PLS1: variants seen among roughly 807,000 people sequenced by gnomAD.
PLS1 encodes the protein plastin-1.
PLS1 carries 32 observed loss-of-function variants against 73.7 expected under a neutral mutation model. The observed-to-expected ratio is 0.43, with a 90% CI of 0.33 to 0.58. PLS1 has a LOEUF of 0.58. Ranked by LOEUF, PLS1 falls within the 20% of genes least tolerant of loss-of-function variation. PLS1 has a pLI of 0.04. For missense variants in PLS1, 633 were observed against 740.5 expected, an observed-to-expected ratio of 0.85 and a Z score of 1.68; for synonymous variants, 217 against 261.3, an observed-to-expected ratio of 0.83 and a Z score of 1.63.
chr3:142,651,872 T>C (rs990941859), intron 1 of PLS1, among the ~76,000 whole-genome samples: 1 of 152,234 alleles, frequency 6.6e-6, no homozygotes, highest in Non-Finnish European at 1.5e-5. Flanking sequence ...GCCTCATTTC[T>C]CTTGGCAACA....
Position 142,676,173 on chromosome 3 carries a change from T to G in PLS1, c.381T>G (p.Ala127=). The G allele has an allele frequency of 1.2e-6, 2 of 1,611,898 alleles. No individual in the cohort carries two copies. Among genetic ancestry groups the G allele is most frequent in the South Asian group, 2.2e-5 (2 of 90,314 alleles). ...QHSYSEEEKV[A]FVNWINKALE... is the part of the protein sequence containing the mutation. Reference sequence around the variant, plus strand: ...TCCTTTCAGAGGAAGAAAAAGTGGCTTTTGTTAACTGGATAAACAAAGCCC... The same window carrying G: ...TCCTTTCAGAGGAAGAAAAAGTGGCGTTTGTTAACTGGATAAACAAAGCCC... The change falls in exon 5 of 16, where the codon GCT becomes GCG. Residue 127 remains alanine, a synonymous_variant. Transcript: ENST00000457734.
In PLS1 at chr3:142,713,487, G is replaced by GT. The variant is rs1933228706; in HGVS notation, c.*1484dup. ...CTTTCCCTTTTATATTTTGATGATT[G>GT]TTTTCTTAAGATTAAGATATGTTCT... is the stretch of plus-strand genomic sequence containing the variant. On this transcript the variant is annotated 3_prime_UTR_variant, in exon 16 of 16. Transcript: ENST00000457734. The GT allele has an allele frequency of 6.6e-6, 1 of 152,168 alleles. No homozygotes were observed. Among genetic ancestry groups the GT allele is most frequent in the South Asian group, 2.1e-4 (1 of 4,816 alleles). The allele number at this position is 152,168 out of a possible 1,614,324, so 9.4% of individuals were successfully genotyped here. A position where few individuals can be genotyped will look rare whatever the true frequency, so the allele number is the denominator to read the frequency against.
At chr3:142,658,263 A>T (rs989182482) in intron 1 of PLS1, among the ~76,000 whole-genome samples, 3 of 152,110 alleles carry the variant, frequency 2.0e-5, no homozygotes, top group Non-Finnish European at 4.4e-5. Context: ...ACTTGAGGTC[A>T]GGAGTTAGAG....
chr3:142,629,328 G>A (rs2036502194), intron 1 of PLS1, among the ~76,000 whole-genome samples: 1 of 151,982 alleles, frequency 6.6e-6, no homozygotes, highest in Non-Finnish European at 1.5e-5. Flanking sequence ...TCCTAAGCCT[G>A]AGTAGCTGGG....
In PLS1 at chr3:142,704,590, A is replaced by T. The variant is rs755121063; in HGVS notation, c.1629+4A>T. 2 of 1,552,594 alleles carry T rather than the reference A, an allele frequency of 1.3e-6. No individual in the cohort carries two copies. The highest frequency in any genetic ancestry group is 1.7e-6 in the Non-Finnish European group (2 of 1,153,184). On this transcript the variant is annotated splice_donor_region_variant and intron_variant, in intron 14 of 15. Transcript: ENST00000457734. ...GACTTCTATTTCCAGCTTCAAGGTA[A>T]TCAAGAGTCCTAAAAAAAATTTTTT...
intron 10 of PLS1, among the ~76,000 whole-genome samples, chr3:142,692,364 C>A (rs1245345853): frequency 1.3e-5 from 2 of 151,890 alleles, no homozygotes; most frequent in Non-Finnish European, 2.9e-5. Flanking sequence ...TATATCAGAT[C>A]TAGGGGGAAA....
intron 1 of PLS1, among the ~76,000 whole-genome samples, chr3:142,606,736 A>G (rs1322708924): frequency 6.6e-6 from 1 of 152,158 alleles, no homozygotes; most frequent in Admixed American, 6.5e-5. Flanking sequence ...ACTTAGCACA[A>G]TGATGTCAAG....
chr3:142,625,137 C>T (rs2108569267), intron 1 of PLS1, among the ~76,000 whole-genome samples: 1 of 152,216 alleles, frequency 6.6e-6, no homozygotes, highest in South Asian at 2.1e-4. Context: ...TTGCTTGGAA[C>T]TCTGGAAATA....
intron 1 of PLS1, among the ~76,000 whole-genome samples, chr3:142,609,145 A>G (rs902857113): frequency 2.6e-5 from 4 of 152,254 alleles, no homozygotes; most frequent in African/African-American, 9.6e-5. Flanking sequence ...TAAACTGCCC[A>G]AGATGATTGA....
At chr3:142,705,522 CA>C (rs2038441947) in intron 14 of PLS1, among the ~76,000 whole-genome samples, 2 of 152,194 alleles carry the variant, frequency 1.3e-5, no homozygotes, top group Non-Finnish European at 2.9e-5. Context: ...ATGTTAGCTA[CA>C]AATAAGCATG....
intron 1 of PLS1, among the ~76,000 whole-genome samples, chr3:142,661,709 T>C (rs2107820286): frequency 6.6e-6 from 1 of 152,330 alleles, no homozygotes; most frequent in East Asian, 1.9e-4. Context: ...TCAATTCCTA[T>C]TGTTTTATAA....
chr3:142,690,563 ATTGTAG>A (rs781210118), intron 10 of PLS1, among the ~76,000 whole-genome samples: 1 of 152,200 alleles, frequency 6.6e-6, no homozygotes, highest in South Asian at 2.1e-4. Context: ...ATGATGGGAT[ATTGTAG>A]TTGTAAACAC....
intron 6 of PLS1, among the ~76,000 whole-genome samples, chr3:142,683,324 G>A (rs1045087426): frequency 1.3e-5 from 2 of 152,180 alleles, no homozygotes; most frequent in African/African-American, 2.4e-5. Context: ...CTAACATGGT[G>A]AAACGCCATC....
chr3:142,689,858 T>G (rs751866535), intron 10 of PLS1, 45 bp downstream of exon 10: 1 of 1,241,974 alleles, frequency 8.1e-7, no homozygotes, highest in Admixed American at 2.1e-5. Context: ...TTTATCTTCT[T>G]ATGGTATTGT....
chr3:142,604,735 C>A (rs2035988615), intron 1 of PLS1, among the ~76,000 whole-genome samples: 1 of 152,088 alleles, frequency 6.6e-6, no homozygotes, highest in African/African-American at 2.4e-5. Flanking sequence ...GATATTGAGA[C>A]CATCCTGGCT....
rs182790558 is a variant in PLS1, at chr3:142,631,186, T to C, written c.-36-33016T>C. Among the ~76,000 whole-genome samples the C allele has an allele frequency of 4.1e-3, 618 of 151,014 alleles. 12 individuals are homozygous for C. The highest frequency in any genetic ancestry group is 0.015 in the African/African-American group (600 of 41,090). ...GAGCTCAGTAGTTTGAGACCAGCCT[T>C]AGCAACATGGCAAAATCCTGTCTCT... is the stretch of plus-strand genomic sequence containing the variant. On this transcript the variant is annotated intron_variant, in intron 1 of 15. Transcript: ENST00000457734.
At chr3:142,597,844 A>G (rs2035839469) in intron 1 of PLS1, among the ~76,000 whole-genome samples, 1 of 152,288 alleles carries the variant, frequency 6.6e-6, no homozygotes, top group South Asian at 2.1e-4. Context: ...TATACCATGA[A>G]GTCTGGCTTA....
chr3:142,691,752 T>C (rs542831838), intron 10 of PLS1, among the ~76,000 whole-genome samples: 1 of 152,198 alleles, frequency 6.6e-6, no homozygotes, highest in Non-Finnish European at 1.5e-5. Context: ...TTTTAATATA[T>C]CCTTATGAAA....
At chr3:142,674,449 C>A (rs1052586254) in intron 4 of PLS1, among the ~76,000 whole-genome samples, 2 of 152,090 alleles carry the variant, frequency 1.3e-5, no homozygotes, top group Non-Finnish European at 2.9e-5. Context: ...ACTGGGGCAA[C>A]AATGGAGAAG....
Sources: gnomAD v4.1 joint callset for allele counts (sites outside exome capture counted in the v4.1 genomes callset) on GRCh38, gnomAD v4.1.1 for gene constraint, MANE v1.5 for transcripts, NCBI Gene and HGNC (gene_info 2026-07-23, HGNC 2026-07-21) for gene names.